KPNA1: variants seen among roughly 807,000 people sequenced by gnomAD.
KPNA1 encodes the protein karyopherin subunit alpha 1, also known as importin subunit alpha-5.
In KPNA1, 10 loss-of-function variants were observed where a neutral mutation model predicts 70.5. The ratio of observed to expected loss-of-function variants is 0.14; its 90% confidence interval spans 0.09 to 0.24. The LOEUF (loss-of-function observed/expected upper bound fraction) is 0.24, where lower values mean the gene tolerates loss of function less well. KPNA1 is among the 10% of genes least tolerant of loss of function. The pLI is 1.00. For missense variants in KPNA1, 397 were observed against 637.9 expected (o/e 0.62, Z 4.07); for synonymous variants, 192 against 221.9 (o/e 0.87, Z 1.20).
At chr3:122,462,063 A>G (rs1451425130) in intron 4 of KPNA1, among the ~76,000 whole-genome samples, 1 of 152,194 alleles carries the variant, frequency 6.6e-6, no homozygotes, top group African/African-American at 2.4e-5. Context: ...TTCATTTGGA[A>G]AGGACTCTAA....
intron 4 of KPNA1, among the ~76,000 whole-genome samples, chr3:122,461,738 T>C (rs528023210): frequency 4.6e-5 from 7 of 152,328 alleles, no homozygotes; most frequent in East Asian, 1.9e-4. Context: ...AGATTCTCAA[T>C]AGGCCTGCAG....
At chr3:122,467,997 G>T (rs1054216729) in intron 2 of KPNA1, among the ~76,000 whole-genome samples, 3 of 152,116 alleles carry the variant, frequency 2.0e-5, no homozygotes, top group Non-Finnish European at 4.4e-5. Context: ...GCCAACGAGG[G>T]TGATTACCAT....
chr3:122,485,910 A>G (rs1186443588), intron 2 of KPNA1, among the ~76,000 whole-genome samples: 5 of 152,250 alleles, frequency 3.3e-5, no homozygotes, highest in African/African-American at 1.2e-4. Context: ...TAGGTGAATG[A>G]AAACTGAAAC....
intron 5 of KPNA1, chr3:122,459,772 A>G: frequency 1.0e-6 from 1 of 985,400 alleles, no homozygotes; most frequent in Non-Finnish European, 1.2e-6. Context: ...GAAGTACTCT[A>G]CCTTTTCTGG....
chr3:122,476,861 C>CAAAAAAAA (rs144118691), intron 2 of KPNA1, among the ~76,000 whole-genome samples: 4,470 of 65,376 alleles, frequency 0.068, 335 homozygotes, highest in East Asian at 0.12. Context: ...GGAGGTTCCA[C>CAAAAAAAA]AAAAAAAAAA....
At chr3:122,451,472 T>G in intron 8 of KPNA1, 62 bp downstream of exon 8, 3 of 812,802 alleles carry the variant, frequency 3.7e-6, no homozygotes, top group Non-Finnish European at 6.0e-6. Flanking sequence ...CACCTTACCA[T>G]TGGTTGCAAT....
chr3:122,466,818 C>T (rs888088216), intron 3 of KPNA1, among the ~76,000 whole-genome samples: 1 of 152,068 alleles, frequency 6.6e-6, no homozygotes, highest in Non-Finnish European at 1.5e-5. Flanking sequence ...CTGGGCAACA[C>T]AGTGAGATCC....
chr3:122,440,837 G>A (rs745854316), intron 10 of KPNA1, among the ~76,000 whole-genome samples: 2 of 152,192 alleles, frequency 1.3e-5, no homozygotes, highest in African/African-American at 4.8e-5. Context: ...AACTGATGGT[G>A]CCATTCACTG....
At chr3:122,490,856 C>T (rs80200668) in intron 2 of KPNA1, among the ~76,000 whole-genome samples, 1,751 of 152,124 alleles carry the variant, frequency 0.012, 11 homozygotes, top group South Asian at 0.025. Context: ...TTCTTATTTA[C>T]TTATTTTCTT....
rs1333273663 is a variant in KPNA1 at position 122,439,002 on chromosome 3, ATT to A, written c.997-1709_997-1708del. 2.6e-5 allele frequency among the ~76,000 whole-genome samples: 4 copies of A among 152,342 alleles called. No homozygotes were observed. In the East Asian group the frequency reaches 7.7e-4, roughly 29 times the overall value. On this transcript the variant is annotated intron_variant, in intron 10 of 13. Transcript: ENST00000344337. ...GTGTAAACTGAAAAGAGAAACTAAAATTTTAATAGAAAATTATCTCCTAAGTA... is the reference window on the plus strand; with the variant it reads ...GTGTAAACTGAAAAGAGAAACTAAAATTAATAGAAAATTATCTCCTAAGTA...
At chr3:122,501,944 C>T (rs2076833874) in intron 1 of KPNA1, among the ~76,000 whole-genome samples, 1 of 152,152 alleles carries the variant, frequency 6.6e-6, no homozygotes, top group Non-Finnish European at 1.5e-5. Context: ...ATACTTTACC[C>T]TAAGTTTACT....
intron 8 of KPNA1, among the ~76,000 whole-genome samples, chr3:122,450,659 T>A (rs560286821): frequency 5.9e-5 from 9 of 152,336 alleles, no homozygotes; most frequent in African/African-American, 1.9e-4. Context: ...TTGCTGGGAA[T>A]GTAAACCAGT....
At chr3:122,455,917 T>C (rs867492362) in intron 5 of KPNA1, among the ~76,000 whole-genome samples, 34 of 152,160 alleles carry the variant, frequency 2.2e-4, no homozygotes, top group African/African-American at 5.3e-4. Context: ...AACCCAGAGA[T>C]GTAAAGTATC....
intron 5 of KPNA1, among the ~76,000 whole-genome samples, chr3:122,458,030 G>C (rs573381849): frequency 6.6e-6 from 1 of 152,188 alleles, no homozygotes; most frequent in Non-Finnish European, 1.5e-5. Context: ...AGCTTTTAGA[G>C]GGGACAAGAA....
chr3:122,508,916 T>A (rs551290317), intron 1 of KPNA1, among the ~76,000 whole-genome samples: 1 of 152,188 alleles, frequency 6.6e-6, no homozygotes, highest in Admixed American at 6.6e-5. Flanking sequence ...CCAGAAAGAA[T>A]ACAGCATCTA....
intron 1 of KPNA1, among the ~76,000 whole-genome samples, chr3:122,505,699 C>T (rs2076883005): frequency 6.6e-6 from 1 of 152,214 alleles, no homozygotes; most frequent in South Asian, 2.1e-4. Context: ...AATAGAAACA[C>T]ACTCTTTCAA....
intron 1 of KPNA1, among the ~76,000 whole-genome samples, chr3:122,506,816 T>A (rs2076895482): frequency 6.6e-6 from 1 of 152,220 alleles, no homozygotes; most frequent in African/African-American, 2.4e-5. Context: ...AGCTGGGAAG[T>A]TCTCCAAAGA....
intron 12 of KPNA1, among the ~76,000 whole-genome samples, chr3:122,429,325 C>T (rs1200763578): frequency 6.6e-6 from 1 of 151,728 alleles, no homozygotes; most frequent in Non-Finnish European, 1.5e-5. Context: ...GCAGCGGGCA[C>T]CTGTATTCCC....
chr3:122,449,972 T>C (rs1322438649), intron 8 of KPNA1, among the ~76,000 whole-genome samples: 1 of 152,236 alleles, frequency 6.6e-6, no homozygotes, highest in Non-Finnish European at 1.5e-5. Flanking sequence ...CAAAGTTTTA[T>C]ATACATCAAT....
Sources: gnomAD v4.1 joint callset for allele counts (sites outside exome capture counted in the v4.1 genomes callset) on GRCh38, gnomAD v4.1.1 for gene constraint, MANE v1.5 for transcripts, NCBI Gene and HGNC (gene_info 2026-07-23, HGNC 2026-07-21) for gene names.